PPP2R3B: variants seen among roughly 807,000 people sequenced by gnomAD.
PPP2R3B encodes the protein protein phosphatase 2 regulatory subunit B''beta, also known as serine/threonine-protein phosphatase 2A regulatory subunit B'' subunit beta.
In PPP2R3B, 68 loss-of-function variants were observed where a neutral mutation model predicts 72.9. That is an observed-to-expected ratio of 0.93 (90% CI 0.77 to 1.14). The LOEUF (loss-of-function observed/expected upper bound fraction) is 1.14. Ranked by LOEUF, PPP2R3B falls within the 50% of genes most tolerant of loss-of-function variation. The pLI is 0.00. For synonymous variants in PPP2R3B, 466 were observed against 375.8 expected (o/e 1.24, Z -2.78); for missense variants, 1,018 against 842.0 (o/e 1.21, Z -2.59).
At chrX:383,877 C>CA (rs1209347947) in intron 1 of PPP2R3B, among the ~76,000 whole-genome samples, 4 of 85,508 alleles carry the variant, frequency 4.7e-5, no homozygotes, top group African/African-American at 1.6e-4. Context: ...ACCAAAAAAA[C>CA]AAAAAAACAA....
intron 2 of PPP2R3B, among the ~76,000 whole-genome samples, chrX:355,056 G>C (rs2738337): frequency 0.29 from 43,899 of 152,050 alleles, 6,830 homozygotes; most frequent in East Asian, 0.38. Context: ...CGATGCAGAC[G>C]AGAAGAGAAA....
At chrX:366,578 C>A (rs866011597) in intron 1 of PPP2R3B, among the ~76,000 whole-genome samples, 98 of 4,640 alleles carry the variant, frequency 0.021, 13 homozygotes, top group South Asian at 0.019. Flanking sequence ...GGTGCCTGTA[C>A]TCCCAGCTAC....
At chrX:381,844 C>T (rs750151204) in intron 1 of PPP2R3B, among the ~76,000 whole-genome samples, 27 of 152,148 alleles carry the variant, frequency 1.8e-4, no homozygotes, top group African/African-American at 6.0e-4. Context: ...GTGATCCGCC[C>T]GCCTCGGCCT....
chrX:377,833 G>A (rs1228930954), intron 1 of PPP2R3B, among the ~76,000 whole-genome samples: 4 of 117,890 alleles, frequency 3.4e-5, no homozygotes, highest in Non-Finnish European at 5.1e-5. Flanking sequence ...ACTACTGTAT[G>A]CAGGGACGGG....
intron 10 of PPP2R3B, 31 bp downstream of exon 10, chrX:340,734 C>T: frequency 6.2e-7 from 1 of 1,607,450 alleles, no homozygotes; most frequent in African/African-American, 1.3e-5. Context: ...TCCGTCCCCT[C>T]ACCCTGGGCC....
intron 2 of PPP2R3B, among the ~76,000 whole-genome samples, chrX:352,685 G>A (rs145991135): frequency 0.011 from 1,625 of 152,058 alleles, 36 homozygotes; most frequent in African/African-American, 0.035. Flanking sequence ...GACTCGCGAG[G>A]CAGACAAAGT....
intron 2 of PPP2R3B, among the ~76,000 whole-genome samples, chrX:348,633 TCA>T (rs1370383739): frequency 2.0e-5 from 3 of 150,666 alleles, no homozygotes; most frequent in African/African-American, 7.3e-5. Context: ...CCTACAAACA[TCA>T]GATAGTGGAT....
At chrX:385,737 C>T (rs1024406949) in intron 1 of PPP2R3B, among the ~76,000 whole-genome samples, 23 of 152,084 alleles carry the variant, frequency 1.5e-4, no homozygotes. Flanking sequence ...CGCCACTGCA[C>T]TCCAGCCTAG....
At chrX:380,393 C>G (rs971935206) in intron 1 of PPP2R3B, among the ~76,000 whole-genome samples, 2 of 152,166 alleles carry the variant, frequency 1.3e-5, no homozygotes, top group South Asian at 4.1e-4. Context: ...AGCAAACACA[C>G]GACCTGAACA....
intron 1 of PPP2R3B, among the ~76,000 whole-genome samples, chrX:386,042 A>G (rs1269712756): frequency 2.0e-5 from 3 of 152,244 alleles, no homozygotes; most frequent in Admixed American, 2.0e-4. Context: ...AGATCGCGCC[A>G]TCGTACTCCA....
At chrX:334,829 G>A in intron 12 of PPP2R3B, 1 of 332,796 alleles carries the variant, frequency 3.0e-6, no homozygotes, top group South Asian at 1.0e-4. Context: ...CGGGACCTGT[G>A]TTTACAACTG....
At chrX:379,694 GA>G (rs2072083166) in intron 1 of PPP2R3B, among the ~76,000 whole-genome samples, 1 of 152,240 alleles carries the variant, frequency 6.6e-6, no homozygotes, top group African/African-American at 2.4e-5. Flanking sequence ...CAACGTTGCT[GA>G]ACAAAACCTA....
intron 2 of PPP2R3B, among the ~76,000 whole-genome samples, chrX:360,575 G>A (rs1388218051): frequency 1.3e-5 from 2 of 152,214 alleles, no homozygotes; most frequent in Non-Finnish European, 2.9e-5. Context: ...TCACTCCCGA[G>A]GACCCCCTTC....
intron 2 of PPP2R3B, among the ~76,000 whole-genome samples, chrX:352,612 AGTAGCTCCCT>A (rs1310733364): frequency 2.0e-5 from 3 of 151,848 alleles, no homozygotes; most frequent in African/African-American, 4.8e-5. Context: ...CTGACCTCAG[AGTAGCTCCCT>A]GAGCAGGAAA....
chrX:334,727 G>A, intron 12 of PPP2R3B: 1 of 550,988 alleles, frequency 1.8e-6, no homozygotes, highest in Non-Finnish European at 2.9e-6. Context: ...TGCGGTGCAG[G>A]TGAAAACCCA....
chrX:354,909 T>C (rs960369256), intron 2 of PPP2R3B, among the ~76,000 whole-genome samples: 1 of 151,974 alleles, frequency 6.6e-6, no homozygotes, highest in Non-Finnish European at 1.5e-5. Flanking sequence ...GCCTCCTGAG[T>C]CTGATGAAGG....
intron 1 of PPP2R3B, among the ~76,000 whole-genome samples, chrX:369,863 C>T (rs1020300901): frequency 6.6e-6 from 1 of 152,198 alleles, no homozygotes; most frequent in African/African-American, 2.4e-5. Context: ...CTGCAGCGGC[C>T]CCCACTCTGC....
chrX:369,611 A>C (rs188621451), intron 1 of PPP2R3B, among the ~76,000 whole-genome samples: 1,604 of 152,354 alleles, frequency 0.011, 25 homozygotes, highest in African/African-American at 0.036. Context: ...CCGAGAACAC[A>C]GGCCACGTGC....
At chrX:379,449 T>C (rs767949852) in intron 1 of PPP2R3B, among the ~76,000 whole-genome samples, 2 of 152,222 alleles carry the variant, frequency 1.3e-5, no homozygotes, top group South Asian at 2.1e-4. Flanking sequence ...CACCTGTGTG[T>C]GTGTATGCAC....
Sources: allele counts gnomAD v4.1 joint callset (sites outside exome capture counted in the v4.1 genomes callset), GRCh38; gene constraint gnomAD v4.1.1; transcripts MANE v1.5; gene names NCBI Gene and HGNC (gene_info 2026-07-23, HGNC 2026-07-21).